The following TDRD5 variants were observed in gnomAD, a reference collection of about 807,000 sequenced individuals.
TDRD5 encodes tudor domain containing 5.
TDRD5 carries 41 observed loss-of-function variants against 120.6 expected under a neutral mutation model. The observed-to-expected ratio is 0.34, with a 90% CI of 0.26 to 0.44. The LOEUF is 0.44. Ranked by LOEUF, TDRD5 falls within the 20% of genes least tolerant of loss-of-function variation. The pLI is 1.00. For synonymous variants in TDRD5, 430 were observed against 433.7 expected (o/e 0.99, Z 0.11); for missense variants, 1,006 against 1,221.2 (o/e 0.82, Z 2.63).
intron 14 of TDRD5, among the ~76,000 whole-genome samples, chr1:179,660,505 A>C (rs540932272): frequency 6.6e-6 from 1 of 151,492 alleles, no homozygotes; most frequent in Non-Finnish European, 1.5e-5. Context: ...TATTATATCT[A>C]TTTGTATAGT....
At chr1:179,604,451 TC>T (rs1164676858) in intron 4 of TDRD5, among the ~76,000 whole-genome samples, 1 of 152,132 alleles carries the variant, frequency 6.6e-6, no homozygotes, top group Non-Finnish European at 1.5e-5. Context: ...TTTCTCTAGT[TC>T]CTTGAGGTAT....
intron 6 of TDRD5, among the ~76,000 whole-genome samples, chr1:179,629,844 A>G (rs1465032984): frequency 6.6e-6 from 1 of 152,158 alleles, no homozygotes; most frequent in African/African-American, 2.4e-5. Flanking sequence ...TGTTTAAGGA[A>G]TGTATTTTAT....
At chr1:179,687,615 A>C (rs935786044) in intron 17 of TDRD5, among the ~76,000 whole-genome samples, 5 of 151,712 alleles carry the variant, frequency 3.3e-5, no homozygotes, top group Admixed American at 2.0e-4. Flanking sequence ...TTTCTGTCTC[A>C]TTGATCTGTC....
chr1:179,635,925 C>A, intron 9 of TDRD5, 38 bp downstream of exon 9: 1 of 1,575,368 alleles, frequency 6.3e-7, no homozygotes, highest in Non-Finnish European at 8.7e-7. Context: ...TTTCACATGT[C>A]TCTTAAATCA....
rs758241351 is a variant in TDRD5, at chr1:179,652,153, C to T, written c.2116C>T (p.Arg706Ter). The stretch of plus-strand genomic sequence containing the variant: ...CCAGCAGCACTATTTTAATGAAGAC[C>T]GAAAGATAAGTCCACAGTCAAAAGA... ...PSQQHYFNED[R>*]KISPQSKESE... Residue 706 changes from arginine to a stop codon, truncating the protein, a stop_gained, in exon 13 of 18, where the codon CGA becomes TGA. Coordinates refer to ENST00000444136, the MANE Select transcript of TDRD5 (RefSeq NM_001199085.3). LOFTEE classifies it high-confidence loss of function. The T allele has an allele frequency of 1.9e-6, 3 of 1,613,494 alleles. No individual in the cohort carries two copies. Among genetic ancestry groups the T allele is most frequent in the Non-Finnish European group, 2.5e-6 (3 of 1,179,862 alleles).
intron 3 of TDRD5, among the ~76,000 whole-genome samples, 195 bp downstream of exon 3, chr1:179,594,062 G>T (rs945857703): frequency 5.9e-5 from 9 of 152,082 alleles, no homozygotes; most frequent in Non-Finnish European, 8.8e-5. Flanking sequence ...TCCCTCTCAG[G>T]GTTGTGTTGA....
intron 4 of TDRD5, among the ~76,000 whole-genome samples, chr1:179,607,682 C>T (rs1676048908): frequency 6.6e-6 from 1 of 151,860 alleles, no homozygotes; most frequent in South Asian, 2.1e-4. Flanking sequence ...ATTTACATTT[C>T]CCCTCTTCCA....
At chr1:179,618,876 G>A (rs1676699551) in intron 5 of TDRD5, among the ~76,000 whole-genome samples, 194 bp downstream of exon 5, 1 of 152,064 alleles carries the variant, frequency 6.6e-6, no homozygotes, top group Admixed American at 6.6e-5. Context: ...AAACTATTTA[G>A]TAAATAAGTT....
At chr1:179,646,569 C>T (rs1307073133) in intron 11 of TDRD5, among the ~76,000 whole-genome samples, 1 of 146,142 alleles carries the variant, frequency 6.8e-6, no homozygotes, top group African/African-American at 2.5e-5. Flanking sequence ...TGTCTCACCA[C>T]TCCTATTCAA....
chr1:179,641,895 T>C (rs920865296), intron 11 of TDRD5, among the ~76,000 whole-genome samples: 17 of 152,176 alleles, frequency 1.1e-4, no homozygotes, highest in Non-Finnish European at 2.1e-4. Context: ...ACGCAAAATA[T>C]GTTTTTTGGT....
At chr1:179,676,849 A>G (rs1386090739) in intron 17 of TDRD5, among the ~76,000 whole-genome samples, 1 of 152,152 alleles carries the variant, frequency 6.6e-6, no homozygotes, top group Non-Finnish European at 1.5e-5. Flanking sequence ...TTTGCAATGA[A>G]TTTCCCAGGT....
intron 4 of TDRD5, among the ~76,000 whole-genome samples, chr1:179,603,510 G>T (rs573582918): frequency 1.3e-5 from 2 of 152,164 alleles, no homozygotes; most frequent in African/African-American, 4.8e-5. Flanking sequence ...TTGGCTGTGG[G>T]TTTGTCATAG....
intron 14 of TDRD5, among the ~76,000 whole-genome samples, chr1:179,656,788 A>G (rs1679029086): frequency 6.6e-6 from 1 of 152,210 alleles, no homozygotes. Context: ...GCAGTGGCTC[A>G]TGCCTATAAT....
intron 11 of TDRD5, among the ~76,000 whole-genome samples, chr1:179,642,314 G>A (rs1362350359): frequency 6.6e-6 from 1 of 151,854 alleles, no homozygotes; most frequent in Admixed American, 6.6e-5. Context: ...TGGCCAGGCT[G>A]GTCTCTATCT....
At chr1:179,682,087 TC>T (rs1017509609) in intron 17 of TDRD5, among the ~76,000 whole-genome samples, 24 of 148,830 alleles carry the variant, frequency 1.6e-4, no homozygotes, top group African/African-American at 5.7e-4. Flanking sequence ...GTCTTATGAT[TC>T]TATCATATAT....
At chr1:179,597,332 CTTTT>C (rs945509784) in intron 4 of TDRD5, among the ~76,000 whole-genome samples, 1 of 125,564 alleles carries the variant, frequency 8.0e-6, no homozygotes, top group Non-Finnish European at 1.6e-5. Flanking sequence ...TTCTTTTTTT[CTTTT>C]TTTTTTTTTT....
intron 5 of TDRD5, among the ~76,000 whole-genome samples, chr1:179,619,380 A>G (rs1235396685): frequency 1.3e-5 from 2 of 152,186 alleles, no homozygotes; most frequent in African/African-American, 2.4e-5. Flanking sequence ...AACAAGTGAA[A>G]ACTCTTTGGT....
chr1:179,620,786 G>T (rs1374767248), intron 5 of TDRD5, among the ~76,000 whole-genome samples: 1 of 152,026 alleles, frequency 6.6e-6, no homozygotes, highest in Non-Finnish European at 1.5e-5. Flanking sequence ...AATTTCTGGA[G>T]AGTTGTGGTA....
chr1:179,623,679 G>A (rs1160351983), intron 6 of TDRD5, among the ~76,000 whole-genome samples: 1 of 139,066 alleles, frequency 7.2e-6, no homozygotes, highest in African/African-American at 2.7e-5. Context: ...TGTCACCCAG[G>A]CTGGAGTACA....
Sources: gnomAD v4.1 joint callset for allele counts (sites outside exome capture counted in the v4.1 genomes callset) on GRCh38, gnomAD v4.1.1 for gene constraint, MANE v1.5 for transcripts, NCBI Gene and HGNC (gene_info 2026-07-23, HGNC 2026-07-21) for gene names.